The following SOCS4 variants were observed in gnomAD, a reference collection of about 807,000 sequenced individuals.
SOCS4 encodes the protein SH2 domain containing SOCS box protein.
A neutral mutation model predicts 34.1 loss-of-function variants in SOCS4; 20 were observed. The ratio of observed to expected loss-of-function variants is 0.59; its 90% CI spans 0.41 to 0.85. The LOEUF (loss-of-function observed/expected upper bound fraction) is 0.85. Among genes scored for constraint, SOCS4 ranks in the 40% least tolerant of loss-of-function variants. The probability of loss-of-function intolerance (pLI) is 0.00; values close to 1 mark genes in which losing one functional copy is unlikely to be tolerated. For synonymous variants in SOCS4, 180 were observed against 186.4 expected, an observed-to-expected ratio of 0.97 and a Z score of 0.28; for missense variants, 479 against 532.4, an observed-to-expected ratio of 0.90 and a Z score of 0.99.
chr14:55,043,491 C>G lies in SOCS4; in HGVS notation c.450C>G (p.His150Gln), dbSNP rs778154109. 1.9e-6 allele frequency: 3 copies of G among 1,614,174 alleles called. No individual in the cohort carries two copies. In the South Asian group the frequency reaches 3.3e-5, roughly 18 times the overall value. Reference sequence around the variant, plus strand: ...TTAGGTGGCATTTTATTAAACGACACACTGCTCCTATAAATTCCAAATCAG... The same window carrying G: ...TTAGGTGGCATTTTATTAAACGACAGACTGCTCCTATAAATTCCAAATCAG... ...LAFRWHFIKR[H>Q]TAPINSKSDE... Residue 150 changes from histidine (H) to glutamine (Q), a missense_variant, in exon 3 of 3, where the codon CAC becomes CAG. By Grantham distance (24) the His-to-Gln change is conservative. Coordinates refer to ENST00000555846, the MANE Select transcript of SOCS4 (RefSeq NM_199421.2).
rs1436521997 is a variant in SOCS4 at position 55,044,547 on chromosome 14, G to A, written c.*183G>A. ...ACAAATTGTTTAAGGTTATACACTCGAGCTTAAATAGATATTTTTAACCAG... is the reference window on the plus strand; with the variant it reads ...ACAAATTGTTTAAGGTTATACACTCAAGCTTAAATAGATATTTTTAACCAG... On this transcript the variant is annotated 3_prime_UTR_variant, in exon 3 of 3. Coordinates refer to ENST00000555846, the MANE Select transcript of SOCS4 (RefSeq NM_199421.2). 4 of 330,064 alleles carry A rather than the reference G, an allele frequency of 1.2e-5. No individual in the cohort carries two copies. Among genetic ancestry groups the A allele is most frequent in the South Asian group, 1.1e-4 (1 of 8,782 alleles). The allele number at this position is 330,064 out of a possible 1,614,324, so 20.4% of individuals were successfully genotyped here.
At chr14:55,035,975 A>G (rs1003647091) in intron 2 of SOCS4, among the ~76,000 whole-genome samples, 19 of 152,214 alleles carry the variant, frequency 1.2e-4, no homozygotes, top group Non-Finnish European at 7.3e-5. Context: ...AAGAAAAAAA[A>G]AATGCGGACA....
intron 2 of SOCS4, among the ~76,000 whole-genome samples, chr14:55,041,396 G>C (rs2042616552): frequency 6.8e-6 from 1 of 148,080 alleles, no homozygotes; most frequent in African/African-American, 2.5e-5. Flanking sequence ...GAGTATGACT[G>C]ATTTTTTTTG....
In SOCS4 at chr14:55,043,417, G is replaced by A; in HGVS notation, c.376G>A (p.Glu126Lys). Residue 126 changes from glutamate (E) to lysine (K), a missense_variant, in exon 3 of 3, where the codon GAA becomes AAA. Transcript: ENST00000555846. ...LPSKRKIHISELMLDKCPFPP... is the reference protein window; with the variant it reads ...LPSKRKIHISKLMLDKCPFPP... Reference sequence around the variant, plus strand: ...GTCTAAAAGGAAAATTCATATCAGTGAACTCATGTTAGATAAGTGTCCTTT... The same window carrying A: ...GTCTAAAAGGAAAATTCATATCAGTAAACTCATGTTAGATAAGTGTCCTTT... The A allele has an allele frequency of 6.2e-7, 1 of 1,614,172 alleles. No individual in the cohort carries two copies. Among genetic ancestry groups the A allele is most frequent in the African/African-American group, 1.3e-5 (1 of 75,058 alleles).
chr14:55,035,747 T>C (rs910935505), intron 2 of SOCS4, among the ~76,000 whole-genome samples: 1 of 152,180 alleles, frequency 6.6e-6, no homozygotes, highest in African/African-American at 2.4e-5. Context: ...GTGAAATAGA[T>C]AGCATTAGTA....
At chr14:55,027,844 A>C (rs1461362522) in intron 1 of SOCS4, 1 of 152,248 alleles carries the variant, frequency 6.6e-6, no homozygotes, top group Non-Finnish European at 1.5e-5. Context: ...TTCTCTATTC[A>C]GATCCCACCT....
intron 2 of SOCS4, among the ~76,000 whole-genome samples, chr14:55,040,096 G>A (rs1459776207): frequency 6.6e-6 from 1 of 152,184 alleles, no homozygotes; most frequent in African/African-American, 2.4e-5. Context: ...AGCCCATCTT[G>A]TTGCTTCTAA....
At chr14:55,041,985 G>T (rs554915489) in intron 2 of SOCS4, among the ~76,000 whole-genome samples, 4 of 151,284 alleles carry the variant, frequency 2.6e-5, no homozygotes, top group South Asian at 2.1e-4. Flanking sequence ...TAGAGATGGG[G>T]TTTCACTGTT....
At position 55,048,209 on chromosome 14, in the gene SOCS4, T is replaced by G. The variant is rs2042694167; in HGVS notation, c.*3845T>G. On this transcript the variant is annotated 3_prime_UTR_variant, in exon 3 of 3. Transcript: ENST00000555846. The stretch of plus-strand genomic sequence containing the variant: ...TGCTGGGATTACAGGCATGAGCCAC[T>G]GTGCCCGGCCAAGATCTAACTCACG... 1 of 166,990 alleles carries G rather than the reference T, an allele frequency of 6.0e-6. No homozygotes were observed. Among genetic ancestry groups the G allele is most frequent in the Non-Finnish European group, 1.5e-5 (1 of 68,146 alleles). 10.3% of individuals were successfully genotyped at this position (166,990 alleles called of 1,614,324 possible).
intron 2 of SOCS4, among the ~76,000 whole-genome samples, chr14:55,042,730 A>G (rs1172654236): frequency 4.6e-5 from 7 of 152,210 alleles, no homozygotes; most frequent in Admixed American, 6.5e-5. Context: ...GCTATGAGAA[A>G]GGAACTCACT....
At position 55,045,905 on chromosome 14, in the gene SOCS4, T is replaced by C. The variant is rs1404455439; in HGVS notation, c.*1541T>C. On this transcript the variant is annotated 3_prime_UTR_variant, in exon 3 of 3. Coordinates refer to ENST00000555846, the MANE Select transcript of SOCS4 (RefSeq NM_199421.2). Reference sequence around the variant, plus strand: ...TTCATTATTGTTGCTTTTATGTGAGTAGCATTTCCCTATCTTGCAGTTCTG... The same window carrying C: ...TTCATTATTGTTGCTTTTATGTGAGCAGCATTTCCCTATCTTGCAGTTCTG... 6.0e-6 allele frequency: 1 copy of C among 167,000 alleles called. No homozygotes were observed. The highest frequency in any genetic ancestry group is 2.4e-5 in the African/African-American group (1 of 41,464). The allele number at this position is 167,000 out of a possible 1,614,324, so 10.3% of individuals were successfully genotyped here.
At chr14:55,041,782 T>C (rs1218990724) in intron 2 of SOCS4, among the ~76,000 whole-genome samples, 3 of 113,800 alleles carry the variant, frequency 2.6e-5, no homozygotes, top group Non-Finnish European at 3.5e-5. Context: ...CAACCCTTAA[T>C]CTTTTTTTTT....
At position 55,049,212 on chromosome 14, in the gene SOCS4, G is replaced by A. The variant is rs1408889205; in HGVS notation, c.*4848G>A. On this transcript the variant is annotated 3_prime_UTR_variant, in exon 3 of 3. Transcript: ENST00000555846. ...TGAGAGCCATGGTGTAAAACTCAAG[G>A]AGGTTTATTTAAATTATGCTGACTT... 6.0e-6 allele frequency: 1 copy of A among 167,022 alleles called. No homozygotes were observed. The highest frequency in any genetic ancestry group is 1.5e-5 in the Non-Finnish European group (1 of 68,122). The allele number at this position is 167,022 out of a possible 1,614,324, so 10.3% of individuals were successfully genotyped here.
intron 1 of SOCS4, chr14:55,027,792 C>A (rs2042481281): frequency 6.6e-6 from 1 of 152,224 alleles, no homozygotes; most frequent in African/African-American, 2.4e-5. Flanking sequence ...AATGCTTATT[C>A]TTTGCGACTC....
chr14:55,044,918 A>G lies in SOCS4; in HGVS notation c.*554A>G, dbSNP rs978906180. ...TTATTGACTTTTGTAACTTACTAAT[A>G]GGGATGTTAAAAGTAACAAAACCAA... is the stretch of plus-strand genomic sequence containing the variant. On this transcript the variant is annotated 3_prime_UTR_variant, in exon 3 of 3. Coordinates refer to ENST00000555846, the MANE Select transcript of SOCS4 (RefSeq NM_199421.2). 8 of 167,038 alleles carry G rather than the reference A, an allele frequency of 4.8e-5. No individual in the cohort carries two copies. The highest frequency in any genetic ancestry group is 8.8e-5 in the Non-Finnish European group (6 of 68,104). The allele number at this position is 167,038 out of a possible 1,614,324, so 10.3% of individuals were successfully genotyped here.
Position 55,046,722 on chromosome 14 carries a change from C to G in SOCS4, c.*2358C>G, listed in dbSNP as rs1355781310. On this transcript the variant is annotated 3_prime_UTR_variant, in exon 3 of 3. Coordinates refer to ENST00000555846, the MANE Select transcript of SOCS4 (RefSeq NM_199421.2). ...AGAGCAGGGAGGAGATTCATTGACT[C>G]TGAAATGATTTTTATTTTTCCTTTG... is the stretch of plus-strand genomic sequence containing the variant. 1.8e-5 allele frequency: 3 copies of G among 166,844 alleles called. No homozygotes were observed. The highest frequency in any genetic ancestry group is 7.2e-5 in the African/African-American group (3 of 41,380). 10.3% of individuals were successfully genotyped at this position (166,844 alleles called of 1,614,324 possible).
At position 55,048,138 on chromosome 14, in the gene SOCS4, C is replaced by G. The variant is rs1386920084; in HGVS notation, c.*3774C>G. 6.0e-6 allele frequency: 1 copy of G among 166,098 alleles called. No individual in the cohort carries two copies. Among genetic ancestry groups the G allele is most frequent in the Admixed American group, 6.5e-5 (1 of 15,280 alleles). The allele number at this position is 166,098 out of a possible 1,614,324, so 10.3% of individuals were successfully genotyped here. A position where few individuals can be genotyped will look rare whatever the true frequency, so the allele number is the denominator to read the frequency against. ...GTTTCACTACATTGGCCAGGCTGGT[C>G]TCGAACTCCTGACCTCAGGTGACCA... On this transcript the variant is annotated 3_prime_UTR_variant, in exon 3 of 3. Coordinates refer to ENST00000555846, the MANE Select transcript of SOCS4 (RefSeq NM_199421.2).
rs149987408 is a variant in SOCS4 at position 55,035,673 on chromosome 14, T to C, written c.-91+3682T>C. On this transcript the variant is annotated intron_variant, in intron 2 of 2. Transcript: ENST00000555846. Reference sequence around the variant, plus strand: ...ATATGAACATATATGTTAACATATATTGAGTAATTAATACATTTAGGACCT... The same window carrying C: ...ATATGAACATATATGTTAACATATACTGAGTAATTAATACATTTAGGACCT... Among the ~76,000 whole-genome samples, 1,464 of 152,270 alleles carry C rather than the reference T, an allele frequency of 9.6e-3. 33 individuals are homozygous for C. The highest frequency in any genetic ancestry group is 0.034 in the African/African-American group (1,411 of 41,546).
intron 1 of SOCS4, among the ~76,000 whole-genome samples, chr14:55,030,541 A>T (rs926978959): frequency 1.3e-5 from 2 of 152,062 alleles, no homozygotes; most frequent in South Asian, 2.1e-4. Flanking sequence ...AGTGTTCTTT[A>T]AAAAAAGTGT....
Sources: gnomAD v4.1 joint callset for allele counts (sites outside exome capture counted in the v4.1 genomes callset) on GRCh38, gnomAD v4.1.1 for gene constraint, MANE v1.5 for transcripts, NCBI Gene and HGNC (gene_info 2026-07-23, HGNC 2026-07-21) for gene names.